The following ITGB3 variants were observed in gnomAD, a reference collection of about 807,000 sequenced individuals.
The protein encoded by ITGB3 is integrin beta-3.
ITGB3 carries 48 observed loss-of-function variants against 85.8 expected under a neutral mutation model. That is an observed-to-expected ratio of 0.56 (90% CI 0.44 to 0.71). ITGB3 has a LOEUF of 0.71. Ranked by LOEUF, ITGB3 falls within the 30% of genes least tolerant of loss-of-function variation. ITGB3 has a pLI of 0.00. For synonymous variants in ITGB3, 363 were observed against 395.6 expected (o/e 0.92, Z 0.98); for missense variants, 861 against 1,019.1 (o/e 0.84, Z 2.11).
chr17:47,290,423 G>A lies in ITGB3; in HGVS notation c.1125+149G>A, dbSNP rs895917248. 26 of 719,070 alleles carry A rather than the reference G, an allele frequency of 3.6e-5. No homozygotes were observed. In the East Asian group the frequency reaches 4.6e-4, roughly 13 times the overall value. The allele number at this position is 719,070 out of a possible 1,614,324, so 44.5% of individuals were successfully genotyped here. A position where few individuals can be genotyped will look rare whatever the true frequency, so the allele number is the denominator to read the frequency against. On this transcript the variant is annotated intron_variant, in intron 8 of 14. Coordinates refer to ENST00000559488, the MANE Select transcript of ITGB3 (RefSeq NM_000212.3). ...GCTCCCAGAGCCCAGGCAATGGCCC[G>A]CTCTAGAAGGGATGCAGCCTTCTGA...
chr17:47,280,081 A>G (rs2065077951), intron 2 of ITGB3: 1 of 152,194 alleles, frequency 6.6e-6, no homozygotes, highest in Non-Finnish European at 1.5e-5. Context: ...CTGTTGGAGT[A>G]TTTGCCACCA....
At chr17:47,291,665 A>G (rs1385296455) in intron 9 of ITGB3, among the ~76,000 whole-genome samples, 1 of 152,204 alleles carries the variant, frequency 6.6e-6, no homozygotes, top group Non-Finnish European at 1.5e-5. Context: ...TGTTAGAAAT[A>G]TTGTCCTGAA....
At position 47,261,767 on chromosome 17, in the gene ITGB3, G is replaced by A. The variant is rs375703986; in HGVS notation, c.79+7827G>A. 5.9e-5 allele frequency among the ~76,000 whole-genome samples: 9 copies of A among 152,264 alleles called. No individual in the cohort carries two copies. In the East Asian group the frequency reaches 1.2e-3, roughly 20 times the overall value. On this transcript the variant is annotated intron_variant, in intron 1 of 14. Coordinates refer to ENST00000559488, the MANE Select transcript of ITGB3 (RefSeq NM_000212.3). ...ACTCCTAACCACAGGTGATCCACCC[G>A]CCTCGGCCTCCCAAAGTGCTGGGAT...
Position 47,310,928 on chromosome 17 carries a change from G to C in ITGB3, c.*724G>C, listed in dbSNP as rs183374782. 6.4e-6 allele frequency: 1 copy of C among 156,254 alleles called. No homozygotes were observed. The highest frequency in any genetic ancestry group is 1.9e-4 in the East Asian group (1 of 5,272). 9.7% of individuals were successfully genotyped at this position (156,254 alleles called of 1,614,324 possible). A position where few individuals can be genotyped will look rare whatever the true frequency, so the allele number is the denominator to read the frequency against. On this transcript the variant is annotated 3_prime_UTR_variant, in exon 15 of 15. Coordinates refer to ENST00000559488, the MANE Select transcript of ITGB3 (RefSeq NM_000212.3). ...CTCAGGGGTCATTCATGGCCTGGGG[G>C]ATGTACCAGCATCTCCCAGTTCATA...
rs185131368 is a variant in ITGB3 at position 47,267,972 on chromosome 17, A to G, written c.80-6447A>G. On this transcript the variant is annotated intron_variant, in intron 1 of 14. Transcript: ENST00000559488. ...AGTTCAACATGGCTTGGGAGGCCTC[A>G]GGAAACTTACAATCATGGTGGAAGG... Among the ~76,000 whole-genome samples, 745 of 152,340 alleles carry G rather than the reference A, an allele frequency of 4.9e-3. 5 individuals carry two copies. The highest frequency in any genetic ancestry group is 0.044 in the South Asian group (212 of 4,826).
intron 2 of ITGB3, among the ~76,000 whole-genome samples, chr17:47,276,047 G>C (rs8074348): frequency 0.41 from 62,119 of 151,810 alleles, 12,978 homozygotes; most frequent in East Asian, 0.57. Context: ...GAAGAAGAGA[G>C]AGCTGAATGG....
chr17:47,305,865 A>G (rs767224354), intron 13 of ITGB3, among the ~76,000 whole-genome samples: 2 of 152,216 alleles, frequency 1.3e-5, no homozygotes, highest in Non-Finnish European at 2.9e-5. Context: ...GGTAGCTGAT[A>G]TTTACTGAGC....
chr17:47,299,356 C>T lies in ITGB3; in HGVS notation c.1739C>T (p.Thr580Ile), dbSNP rs1264108219. The T allele has an allele frequency of 2.5e-6, 4 of 1,614,068 alleles. No homozygotes were observed. The East Asian group carries it at 6.7e-5, about 27-fold the overall frequency. The change falls in exon 11 of 15, where the codon ACC (threonine) becomes ATC (isoleucine). Residue 580 changes from threonine to isoleucine, a missense_variant. Thr to Ile is a moderately conservative substitution (Grantham distance 89). Transcript: ENST00000559488. The surrounding 1 kb of genome is among the most constrained non-coding windows in gnomAD (Gnocchi z 5.1). ...GACTGCCTGTGTGACTCCGACTGGACCGGCTACTACTGCAACTGTACCACG... is the reference window on the plus strand; with the variant it reads ...GACTGCCTGTGTGACTCCGACTGGATCGGCTACTACTGCAACTGTACCACG... ...CGDCLCDSDW[T>I]GYYCNCTTRT...
intron 10 of ITGB3, among the ~76,000 whole-genome samples, chr17:47,295,656 T>C (rs764186164): frequency 1.3e-5 from 2 of 151,934 alleles, no homozygotes; most frequent in Non-Finnish European, 2.9e-5. Context: ...AAGGAAACAC[T>C]ATGGGACAAG....
Position 47,254,001 on chromosome 17 carries a change from T to G in ITGB3, c.79+61T>G. The G allele has an allele frequency of 1.3e-5, 15 of 1,124,438 alleles. No homozygotes were observed. In the South Asian group the frequency reaches 2.5e-4, roughly 19 times the overall value. 69.7% of individuals were successfully genotyped at this position (1,124,438 alleles called of 1,614,324 possible). On this transcript the variant is annotated intron_variant, in intron 1 of 14. Transcript: ENST00000559488. ...CCCCAGGATCTGCGCCCCGGTCAAG[T>G]TGCGGACTTGGAGCCGGCAAACGCG...
chr17:47,266,967 AC>A (rs1472205363), intron 1 of ITGB3, among the ~76,000 whole-genome samples: 3 of 152,126 alleles, frequency 2.0e-5, no homozygotes, highest in Non-Finnish European at 4.4e-5. Context: ...CCACGCTCCC[AC>A]GACTCCTTCT....
At chr17:47,272,758 C>T (rs1428698572) in intron 1 of ITGB3, among the ~76,000 whole-genome samples, 1 of 134,754 alleles carries the variant, frequency 7.4e-6, no homozygotes, top group African/African-American at 2.9e-5. Context: ...CTCTCTCCTT[C>T]CTTCCTTTCT....
chr17:47,283,617 G>A (rs1352432336), intron 3 of ITGB3, 68 bp downstream of exon 3: 2 of 1,476,578 alleles, frequency 1.4e-6, no homozygotes, highest in African/African-American at 1.4e-5. Flanking sequence ...GTGGAGGTCT[G>A]AGGAGGAAGT....
In ITGB3 at chr17:47,286,351, CAG is replaced by C. The variant is rs746626039; in HGVS notation, c.709_710del (p.Ser237CysfsTer13). 4.6e-5 allele frequency: 75 copies of C among 1,614,066 alleles called. No homozygotes were observed. The highest frequency in any genetic ancestry group is 6.2e-5 in the Non-Finnish European group (73 of 1,180,042). ...CCGCTTCAATGAGGAAGTGAAGAAGCAGAGTGTGTCACGGAACCGAGATGCCC... is the reference window on the plus strand; with the variant it reads ...CCGCTTCAATGAGGAAGTGAAGAAGCAGTGTGTCACGGAACCGAGATGCCC... ...VTRFNEEVKK[Q>X]SVSRNRDAPE... On this transcript the variant is annotated frameshift_variant, in exon 5 of 15. Coordinates refer to ENST00000559488, the MANE Select transcript of ITGB3 (RefSeq NM_000212.3). LOFTEE classifies it high-confidence loss of function.
rs759257939 is a variant in ITGB3 at position 47,310,481 on chromosome 17, G to A, written c.*277G>A. On this transcript the variant is annotated 3_prime_UTR_variant, in exon 15 of 15. Transcript: ENST00000559488. ...TAGCCTTTGTCCCAGAATGCCTCCT[G>A]CAGGGATTCTTCCTGCTTAGCTTGA... The A allele has an allele frequency of 1.9e-6, 1 of 519,186 alleles. No individual in the cohort carries two copies. The highest frequency in any genetic ancestry group is 3.6e-6 in the Non-Finnish European group (1 of 279,594). The allele number at this position is 519,186 out of a possible 1,614,324, so 32.2% of individuals were successfully genotyped here.
chr17:47,299,603 C>T lies in ITGB3; in HGVS notation c.1913+73C>T. ...GATCCCCTGACTAGAATCCCCAGCTCTCCAGGTGTGTTTCTTGCTCACCAG... is the reference window on the plus strand; with the variant it reads ...GATCCCCTGACTAGAATCCCCAGCTTTCCAGGTGTGTTTCTTGCTCACCAG... On this transcript the variant is annotated intron_variant, in intron 11 of 14. Transcript: ENST00000559488. The surrounding 1 kb of genome is among the most constrained non-coding windows in gnomAD (Gnocchi z 5.1). 1 of 1,368,952 alleles carries T rather than the reference C, an allele frequency of 7.3e-7. No homozygotes were observed. The allele number at this position is 1,368,952 out of a possible 1,614,324, so 84.8% of individuals were successfully genotyped here.
intron 4 of ITGB3, 64 bp from the exon 5 acceptor site, chr17:47,286,196 C>T: frequency 6.3e-7 from 1 of 1,586,484 alleles, no homozygotes; most frequent in Non-Finnish European, 8.6e-7. Context: ...TCTCTTTCCT[C>T]CCAATTCCCA....
intron 2 of ITGB3, among the ~76,000 whole-genome samples, chr17:47,276,128 T>A (rs559335984): frequency 6.6e-6 from 1 of 152,248 alleles, no homozygotes; most frequent in Admixed American, 6.5e-5. Flanking sequence ...CTAGTGTCAC[T>A]CAAAGGGTGC....
intron 13 of ITGB3, among the ~76,000 whole-genome samples, chr17:47,305,105 T>C (rs1482477676): frequency 1.3e-5 from 2 of 152,172 alleles, no homozygotes; most frequent in East Asian, 1.9e-4. Flanking sequence ...CCTAAAGACC[T>C]CCTGGCACCC....
Sources: gnomAD v4.1 joint callset for allele counts (sites outside exome capture counted in the v4.1 genomes callset) on GRCh38, gnomAD v4.1.1 for gene constraint, Gnocchi (gnomAD v3.1) non-coding constraint, MANE v1.5 for transcripts, NCBI Gene and HGNC (gene_info 2026-07-23, HGNC 2026-07-21) for gene names.